AK5: variants seen among roughly 807,000 people sequenced by gnomAD.
The protein encoded by AK5 is adenylate kinase 5.
AK5 carries 27 observed loss-of-function variants against 69.5 expected under a neutral mutation model. The ratio of observed to expected loss-of-function variants is 0.39; its 90% confidence interval spans 0.29 to 0.54. The LOEUF (loss-of-function observed/expected upper bound fraction) is 0.54, where lower values mean the gene tolerates loss of function less well. Ranked by LOEUF, AK5 falls within the 20% of genes least tolerant of loss-of-function variation. AK5 has a pLI of 0.71. For missense variants in AK5, 531 were observed against 700.4 expected, an observed-to-expected ratio of 0.76 and a Z score of 2.73; for synonymous variants, 260 against 244.4, an observed-to-expected ratio of 1.06 and a Z score of -0.60.
At chr1:77,419,815 A>AT (rs1016081077) in intron 8 of AK5, among the ~76,000 whole-genome samples, 1 of 152,166 alleles carries the variant, frequency 6.6e-6, no homozygotes, top group Non-Finnish European at 1.5e-5. Context: ...TTTTACAGTT[A>AT]TTTTTTAACA....
chr1:77,415,181 T>C (rs1423210539), intron 7 of AK5, among the ~76,000 whole-genome samples: 1 of 152,224 alleles, frequency 6.6e-6, no homozygotes, highest in Non-Finnish European at 1.5e-5. Context: ...TAAACAAAGG[T>C]ATTTTCATTC....
At chr1:77,435,843 A>G (rs1319236516) in intron 8 of AK5, among the ~76,000 whole-genome samples, 1 of 152,212 alleles carries the variant, frequency 6.6e-6, no homozygotes, top group Non-Finnish European at 1.5e-5. Context: ...AGTTATGTAT[A>G]TAATCCTTAA....
intron 5 of AK5, among the ~76,000 whole-genome samples, chr1:77,334,178 C>T (rs1345605713): frequency 6.6e-6 from 1 of 151,940 alleles, no homozygotes; most frequent in African/African-American, 2.4e-5. Flanking sequence ...TTTGGAAATG[C>T]TGTATTTAGT....
In AK5 at chr1:77,340,495, G is replaced by T; in HGVS notation, c.818G>T (p.Arg273Met). 6.2e-7 allele frequency: 1 copy of T among 1,614,116 alleles called. No individual in the cohort carries two copies. The highest frequency in any genetic ancestry group is 8.5e-7 in the Non-Finnish European group (1 of 1,180,010). Residue 273 changes from arginine to methionine, a missense_variant, in exon 6 of 14, where the codon AGG becomes ATG. Arg to Met is a moderately conservative substitution (Grantham distance 91). Transcript: ENST00000354567. Reference protein sequence around the residue: ...RPDDNVKATQRRLMNFKQNAA... With the variant: ...RPDDNVKATQMRLMNFKQNAA... ...GACGACAATGTAAAAGCTACCCAAA[G>T]GAGACTAATGAACTTCAAGCAGAAT...
chr1:77,402,439 TC>T (rs201069053), intron 6 of AK5, among the ~76,000 whole-genome samples: 2 of 121,152 alleles, frequency 1.7e-5, no homozygotes, highest in Non-Finnish European at 3.5e-5. Context: ...ATGCTATCCC[TC>T]CCCCCTCCCC....
chr1:77,435,864 G>C (rs1193305274), intron 8 of AK5, among the ~76,000 whole-genome samples: 1 of 152,104 alleles, frequency 6.6e-6, no homozygotes, highest in Non-Finnish European at 1.5e-5. Context: ...TCCTTAGAAA[G>C]ATATACATAA....
In AK5 at chr1:77,535,884, C is replaced by T. The variant is rs1435470593; in HGVS notation, c.1466C>T (p.Ser489Leu). 15 of 1,613,892 alleles carry T rather than the reference C, an allele frequency of 9.3e-6. No homozygotes were observed. The highest frequency in any genetic ancestry group is 2.2e-5 in the South Asian group (2 of 91,000). Residue 489 changes from serine to leucine, a missense_variant, in exon 13 of 14, where the codon TCG becomes TTG. Physicochemically the swap from Ser to Leu is moderately radical, Grantham distance 145. Transcript: ENST00000354567. ...DPQLVICMDCSADTMTNRLLQ... is the reference protein window; with the variant it reads ...DPQLVICMDCLADTMTNRLLQ... The stretch of plus-strand genomic sequence containing the variant: ...CAGTTGGTGATCTGTATGGACTGCT[C>T]GGCAGACACCATGACCAACCGCCTT...
rs749712310 is a variant in AK5, at chr1:77,499,869, C to CTTTTTTTTTT, written c.1147+13517_1147+13518insTTTTTTTTTT. ...GATGACAGAGACCATGCCCTTTTTC[C>CTTTTTTTTTT]ATTTTTTTTTTTTTTTTTTTTTTTT... On this transcript the variant is annotated intron_variant, in intron 10 of 13. Coordinates refer to ENST00000354567, the MANE Select transcript of AK5 (RefSeq NM_174858.3). Among the ~76,000 whole-genome samples, 41 of 78,780 alleles carry CTTTTTTTTTT rather than the reference C, an allele frequency of 5.2e-4. 6 individuals carry two copies. The highest frequency in any genetic ancestry group is 7.9e-4 in the Admixed American group (4 of 5,070). The allele number at this position is 78,780 out of a possible 152,430, so 51.7% of individuals were successfully genotyped here. A position where few individuals can be genotyped will look rare whatever the true frequency, so the allele number is the denominator to read the frequency against.
chr1:77,287,596 TAAAAG>T (rs1296721311), intron 2 of AK5, among the ~76,000 whole-genome samples: 10 of 152,194 alleles, frequency 6.6e-5, no homozygotes, highest in Non-Finnish European at 1.5e-5. Flanking sequence ...ATACTAGTGA[TAAAAG>T]AAAAACTTCA....
chr1:77,469,102 A>C (rs889358448), intron 8 of AK5, among the ~76,000 whole-genome samples: 9 of 152,252 alleles, frequency 5.9e-5, no homozygotes, highest in Non-Finnish European at 1.3e-4. Context: ...GGCTTAAAAC[A>C]ACATCCATTT....
At position 77,287,026 on chromosome 1, in the gene AK5, G is replaced by A; in HGVS notation, c.146G>A (p.Gly49Asp). The change falls in exon 2 of 14, where the codon GGT (glycine) becomes GAT (aspartate). Residue 49 changes from glycine (G) to aspartate (D), a missense_variant. Gly to Asp is a moderately conservative substitution (Grantham distance 94). Transcript: ENST00000354567. Reference sequence around the variant, plus strand: ...TGTTTACAAAAAGTAAAGGAACTGGGTGGCTGTGACAAGGTGAAATGGGAT... The same window carrying A: ...TGTTTACAAAAAGTAAAGGAACTGGATGGCTGTGACAAGGTGAAATGGGAT... ...ESCLQKVKEL[G>D]GCDKVKWDTF... 6.2e-7 allele frequency: 1 copy of A among 1,610,360 alleles called. No homozygotes were observed. The highest frequency in any genetic ancestry group is 8.5e-7 in the Non-Finnish European group (1 of 1,177,884).
At chr1:77,307,266 C>G (rs1034142802) in intron 5 of AK5, among the ~76,000 whole-genome samples, 1 of 151,568 alleles carries the variant, frequency 6.6e-6, no homozygotes, top group Non-Finnish European at 1.5e-5. Context: ...ACTGCTTTTG[C>G]TGTATCCCAT....
intron 6 of AK5, among the ~76,000 whole-genome samples, chr1:77,356,903 C>T (rs1056616638): frequency 5.9e-5 from 9 of 152,280 alleles, no homozygotes; most frequent in African/African-American, 2.2e-4. Context: ...AAAGTGAACA[C>T]AGCTTAACAG....
intron 6 of AK5, among the ~76,000 whole-genome samples, chr1:77,378,128 T>C (rs908157879): frequency 6.6e-6 from 1 of 152,216 alleles, no homozygotes; most frequent in Non-Finnish European, 1.5e-5. Flanking sequence ...TGCATGAAAC[T>C]CACTTCCACG....
At chr1:77,371,671 A>G (rs1331818006) in intron 6 of AK5, among the ~76,000 whole-genome samples, 1 of 152,208 alleles carries the variant, frequency 6.6e-6, no homozygotes, top group Non-Finnish European at 1.5e-5. Context: ...GCTTCTTTAC[A>G]GGCAGAAATG....
intron 10 of AK5, among the ~76,000 whole-genome samples, chr1:77,513,549 G>T: frequency 6.6e-6 from 1 of 152,202 alleles, no homozygotes; most frequent in Non-Finnish European, 1.5e-5. Context: ...GTCAACAAAA[G>T]TCATTTTAGG....
intron 6 of AK5, among the ~76,000 whole-genome samples, chr1:77,387,527 T>G (rs1304671767): frequency 6.6e-6 from 1 of 152,210 alleles, no homozygotes; most frequent in Non-Finnish European, 1.5e-5. Context: ...TAGCTTACAT[T>G]TAGAGCATCT....
intron 6 of AK5, among the ~76,000 whole-genome samples, chr1:77,363,944 T>C (rs1646907898): frequency 1.3e-5 from 2 of 152,228 alleles, no homozygotes; most frequent in Admixed American, 6.5e-5. Context: ...CTGGTTAGAT[T>C]GTAAGCTCCA....
At chr1:77,425,759 T>A (rs918628042) in intron 8 of AK5, among the ~76,000 whole-genome samples, 2 of 152,202 alleles carry the variant, frequency 1.3e-5, no homozygotes, top group Non-Finnish European at 2.9e-5. Flanking sequence ...TATTTAATTA[T>A]ATATACTTAT....
Sources: gnomAD v4.1 joint callset for allele counts (sites outside exome capture counted in the v4.1 genomes callset) on GRCh38, gnomAD v4.1.1 for gene constraint, MANE v1.5 for transcripts, NCBI Gene and HGNC (gene_info 2026-07-23, HGNC 2026-07-21) for gene names.